LEMD1: variants seen among roughly 807,000 people sequenced by gnomAD.
LEMD1 encodes the protein LEM domain-containing protein 1.
A neutral mutation model predicts 17.4 loss-of-function variants in LEMD1; 18 were observed. The ratio of observed to expected loss-of-function variants is 1.04; its 90% confidence interval spans 0.72 to 1.54. LEMD1 has a LOEUF of 1.54. Among genes scored for constraint, LEMD1 ranks in the 40% most tolerant of loss-of-function variants. The pLI is 0.00. For missense variants in LEMD1, 195 were observed against 210.4 expected (o/e 0.93, Z 0.45); for synonymous variants, 88 against 77.8 (o/e 1.13, Z -0.69).
intron 4 of LEMD1, among the ~76,000 whole-genome samples, chr1:205,392,571 T>A (rs1664394695): frequency 6.7e-6 from 1 of 149,208 alleles, no homozygotes. Context: ...CTGAAAAAAA[T>A]ACAACCAAAA....
intron 4 of LEMD1, among the ~76,000 whole-genome samples, chr1:205,405,941 G>C (rs1449365664): frequency 6.6e-6 from 1 of 152,186 alleles, no homozygotes; most frequent in African/African-American, 2.4e-5. Flanking sequence ...CTCAGCTGCA[G>C]GTCTGTTGGA....
chr1:205,446,876 C>CA (rs1318386527), intron 1 of LEMD1, among the ~76,000 whole-genome samples: 1 of 152,190 alleles, frequency 6.6e-6, no homozygotes, highest in Non-Finnish European at 1.5e-5. Flanking sequence ...TCAGCCCCAG[C>CA]AAAAACCCAG....
At chr1:205,388,962 G>A (rs1010024164) in intron 4 of LEMD1, among the ~76,000 whole-genome samples, 1 of 150,378 alleles carries the variant, frequency 6.6e-6, no homozygotes, top group East Asian at 2.0e-4. Context: ...AAAACACTGG[G>A]CTAACATCCA....
chr1:205,446,059 G>A (rs1036852602), intron 1 of LEMD1, among the ~76,000 whole-genome samples: 4 of 152,206 alleles, frequency 2.6e-5, no homozygotes, highest in African/African-American at 9.6e-5. Flanking sequence ...AGATTGCTGG[G>A]AATAAAGTTT....
intron 2 of LEMD1, 151 bp downstream of exon 2, chr1:205,420,304 T>C (rs1453314394): frequency 3.2e-6 from 2 of 621,922 alleles, no homozygotes; most frequent in Non-Finnish European, 5.6e-6. Context: ...GATTTGGGTA[T>C]ATTTACCGCC....
In LEMD1 at chr1:205,419,225, G is replaced by A. The variant is rs373236415; in HGVS notation, c.205+5C>T. The A allele has an allele frequency of 4.2e-5, 67 of 1,613,826 alleles. No homozygotes were observed. The highest frequency in any genetic ancestry group is 2.9e-4 in the East Asian group (13 of 44,870). On this transcript the variant is annotated splice_donor_5th_base_variant and intron_variant, in intron 3 of 5. Transcript: ENST00000367153. ...GCCATCTAGCAGTACAGCTTATGGCGGTACCTTCGCTGTCATCACTGTCCT... is the reference window on the plus strand; with the variant it reads ...GCCATCTAGCAGTACAGCTTATGGCAGTACCTTCGCTGTCATCACTGTCCT...
chr1:205,412,410 A>ACATTT (rs1340347031), intron 4 of LEMD1, among the ~76,000 whole-genome samples: 9 of 152,358 alleles, frequency 5.9e-5, no homozygotes, highest in Non-Finnish European at 1.3e-4. Flanking sequence ...TTGATAAAGC[A>ACATTT]GACACATACA....
intron 3 of LEMD1, among the ~76,000 whole-genome samples, chr1:205,416,597 A>G (rs192170188): frequency 6.0e-4 from 91 of 152,262 alleles, no homozygotes; most frequent in Non-Finnish European, 9.7e-4. Flanking sequence ...GTCCCTTTGA[A>G]CCAGCTGTAA....
At chr1:205,416,981 C>A (rs1050249315) in intron 3 of LEMD1, among the ~76,000 whole-genome samples, 2 of 152,148 alleles carry the variant, frequency 1.3e-5, no homozygotes, top group Admixed American at 1.3e-4. Flanking sequence ...GGACTCCCTG[C>A]ACCTCCACCG....
intron 4 of LEMD1, among the ~76,000 whole-genome samples, chr1:205,412,028 C>T (rs989682573): frequency 6.6e-6 from 1 of 152,192 alleles, no homozygotes; most frequent in Non-Finnish European, 1.5e-5. Flanking sequence ...CCATTTGCCC[C>T]TATTTGCCCA....
At chr1:205,406,408 T>C (rs1402079530) in intron 4 of LEMD1, among the ~76,000 whole-genome samples, 1 of 152,226 alleles carries the variant, frequency 6.6e-6, no homozygotes, top group East Asian at 1.9e-4. Flanking sequence ...GCCTGGGCAA[T>C]GGCGGGCGCC....
chr1:205,389,530 C>T (rs1664230595), intron 4 of LEMD1, among the ~76,000 whole-genome samples: 1 of 152,136 alleles, frequency 6.6e-6, no homozygotes, highest in African/African-American at 2.4e-5. Flanking sequence ...TGCTGAGAGC[C>T]CAGTTTCCTA....
chr1:205,411,446 C>T (rs1387955031), intron 4 of LEMD1, among the ~76,000 whole-genome samples: 2 of 151,154 alleles, frequency 1.3e-5, no homozygotes, highest in South Asian at 2.1e-4. Flanking sequence ...TCCCAGCTAC[C>T]CGGAGAGGCA....
At chr1:205,391,084 A>T (rs1284024314) in intron 4 of LEMD1, among the ~76,000 whole-genome samples, 1 of 152,218 alleles carries the variant, frequency 6.6e-6, no homozygotes, top group Non-Finnish European at 1.5e-5. Flanking sequence ...AAGTAAATAA[A>T]TAATCCATTA....
intron 4 of LEMD1, among the ~76,000 whole-genome samples, chr1:205,388,709 GTTT>G (rs988486689): frequency 6.6e-6 from 1 of 152,098 alleles, no homozygotes; most frequent in Non-Finnish European, 1.5e-5. Flanking sequence ...GTCAAAACAT[GTTT>G]TTAAAAACTT....
intron 4 of LEMD1, among the ~76,000 whole-genome samples, chr1:205,405,278 G>A (rs1377967138): frequency 6.6e-6 from 1 of 150,462 alleles, no homozygotes; most frequent in Non-Finnish European, 1.5e-5. Flanking sequence ...AGTTCTCCTG[G>A]ATAATATCCT....
chr1:205,447,687 A>C (rs1255070096), intron 1 of LEMD1, among the ~76,000 whole-genome samples: 22 of 151,960 alleles, frequency 1.4e-4, no homozygotes, highest in Non-Finnish European at 5.9e-5. Flanking sequence ...ACACCGCAGG[A>C]GGGGGCAGCT....
At chr1:205,432,882 G>A (rs750120464) in intron 1 of LEMD1, among the ~76,000 whole-genome samples, 6 of 152,186 alleles carry the variant, frequency 3.9e-5, no homozygotes, top group Admixed American at 6.5e-5. Context: ...ATGGTGGTAT[G>A]TGCTTGTAGT....
intron 4 of LEMD1, among the ~76,000 whole-genome samples, chr1:205,410,990 G>GAAAGA (rs1167992719): frequency 6.8e-6 from 1 of 148,096 alleles, no homozygotes; most frequent in East Asian, 2.0e-4. Flanking sequence ...AGGAAGGAAG[G>GAAAGA]AAAGAAAAGA....
Sources: gnomAD v4.1 joint callset for allele counts (sites outside exome capture counted in the v4.1 genomes callset) on GRCh38, gnomAD v4.1.1 for gene constraint, MANE v1.5 for transcripts, NCBI Gene and HGNC (gene_info 2026-07-23, HGNC 2026-07-21) for gene names.